DAB1: variants seen among roughly 807,000 people sequenced by gnomAD.
DAB1 encodes the protein disabled homolog 1.
In DAB1, 15 loss-of-function variants were observed where a neutral mutation model predicts 64.6. The ratio of observed to expected loss-of-function variants is 0.23; its 90% CI spans 0.16 to 0.36. DAB1 has a LOEUF of 0.36. DAB1 is among the 10% of genes least tolerant of loss of function. DAB1 has a pLI of 1.00. For synonymous variants in DAB1, 235 were observed against 251.9 expected, an observed-to-expected ratio of 0.93 and a Z score of 0.64; for missense variants, 596 against 706.7, an observed-to-expected ratio of 0.84 and a Z score of 1.78.
chr1:57,273,600 TTCCTTCCTTCCTTCCCTCCCTCCCTCCC>T (rs1671214635), intron 2 of DAB1, among the ~76,000 whole-genome samples: 2 of 116,124 alleles, frequency 1.7e-5, no homozygotes, highest in South Asian at 3.2e-4. Flanking sequence ...CCTTCCTTCC[TTCCTTCCTTCCTTCCCTCCCTCCCTCCC>T]TCCCTCCCTC....
rs681946 is a variant in DAB1, at chr1:57,320,126, C to T, written c.-136-28960G>A. Among the ~76,000 whole-genome samples the T allele has an allele frequency of 7.9e-3, 1,206 of 152,284 alleles. 21 individuals are homozygous for T. Among genetic ancestry groups the T allele is most frequent in the African/African-American group, 0.028 (1,152 of 41,570 alleles). On this transcript the variant is annotated intron_variant, in intron 1 of 14. Transcript: ENST00000371236. ...TGGCTCTGTATTCCCACCCAAATCT[C>T]ATCTCGAATTGTGTCAAGGGAAGGA...
intron 2 of DAB1, among the ~76,000 whole-genome samples, chr1:57,159,044 C>A (rs1660496364): frequency 6.6e-6 from 1 of 152,116 alleles, no homozygotes; most frequent in African/African-American, 2.4e-5. Context: ...GAGGCAGAAC[C>A]AGATCAGGAA....
At chr1:57,141,925 G>A (rs977024401) in intron 3 of DAB1, among the ~76,000 whole-genome samples, 1 of 152,104 alleles carries the variant, frequency 6.6e-6, no homozygotes, top group African/African-American at 2.4e-5. Flanking sequence ...CTTGGTGTCT[G>A]GGTTAGAATT....
chr1:57,015,831 C>G (rs111274786), intron 11 of DAB1, among the ~76,000 whole-genome samples: 3 of 152,196 alleles, frequency 2.0e-5, no homozygotes, highest in African/African-American at 7.2e-5. Flanking sequence ...ATTGCATAAG[C>G]TCTCTAAGAG....
intron 2 of DAB1, among the ~76,000 whole-genome samples, chr1:57,261,511 A>G (rs1670181981): frequency 6.6e-6 from 1 of 152,194 alleles, no homozygotes; most frequent in South Asian, 2.1e-4. Flanking sequence ...CCATGAAGTC[A>G]GTGATCCATG....
chr1:57,390,596 A>T (rs1237665424), intron 1 of DAB1, among the ~76,000 whole-genome samples: 1 of 152,164 alleles, frequency 6.6e-6, no homozygotes, highest in African/African-American at 2.4e-5. Flanking sequence ...TGGACAATTA[A>T]CACTTATTCT....
intron 4 of DAB1, among the ~76,000 whole-genome samples, chr1:57,092,680 TG>T (rs1225551767): frequency 2.1e-3 from 107 of 50,102 alleles, no homozygotes; most frequent in African/African-American, 6.6e-3. Context: ...GGGAGGGGGG[TG>T]GGGGGGCATG....
At position 58,190,781 on chromosome 1, in the gene DAB1, G is replaced by A. The variant is rs866639436; in HGVS notation, n.310-40193C>T. 3.9e-5 allele frequency among the ~76,000 whole-genome samples: 6 copies of A among 152,196 alleles called. 1 individual carries two copies. Among genetic ancestry groups the A allele is most frequent in the Non-Finnish European group, 8.8e-5 (6 of 68,046 alleles). On this transcript the variant is annotated intron_variant and non_coding_transcript_variant, in intron 4 of 20. Coordinates refer to the DAB1 transcript ENST00000485760. The stretch of plus-strand genomic sequence containing the variant: ...TTGGAAATGCTATAAATAGCAAATC[G>A]GCAAGACCGGGGAACAAAAGAGAAG...
At chr1:58,406,468 C>A (rs75657448) in intron 3 of DAB1, among the ~76,000 whole-genome samples, 1 of 152,332 alleles carries the variant, frequency 6.6e-6, no homozygotes, top group South Asian at 2.1e-4. Context: ...CAGCCCTGGG[C>A]GTTTCCGGCC....
At chr1:57,367,274 CA>C (rs201470787) in intron 1 of DAB1, among the ~76,000 whole-genome samples, 1 of 149,116 alleles carries the variant, frequency 6.7e-6, no homozygotes, top group African/African-American at 2.5e-5. Context: ...GACCCTGTCT[CA>C]AAAAAAACAA....
intron 3 of DAB1, among the ~76,000 whole-genome samples, chr1:58,385,224 C>T (rs960627612): frequency 2.0e-5 from 3 of 152,146 alleles, no homozygotes; most frequent in Admixed American, 6.5e-5. Flanking sequence ...AAATTGTATA[C>T]ATTTATCGTG....
intron 3 of DAB1, among the ~76,000 whole-genome samples, chr1:58,373,186 T>A (rs979013896): frequency 7.9e-5 from 12 of 151,700 alleles, no homozygotes; most frequent in Middle Eastern, 3.4e-3. Context: ...TTTTTTTTAA[T>A]TATACTTTAA....
intron 2 of DAB1, among the ~76,000 whole-genome samples, chr1:57,220,654 C>T (rs1666793114): frequency 1.3e-5 from 2 of 152,136 alleles, no homozygotes; most frequent in South Asian, 4.1e-4. Flanking sequence ...TGAGAAAATG[C>T]TCATCATCAC....
At chr1:58,153,907 A>C (rs1007064618) in intron 4 of DAB1, among the ~76,000 whole-genome samples, 16 of 149,112 alleles carry the variant, frequency 1.1e-4, no homozygotes, top group Non-Finnish European at 3.0e-5. Context: ...ACACTCTCTT[A>C]CACCAGGACT....
chr1:58,372,844 C>G lies in DAB1; in HGVS notation n.258-29441G>C, dbSNP rs537946310. ...ACATGCCTTGCTTTCCATTCACCTT[C>G]CATCATGATTGCAAGTTTCCTGAGA... On this transcript the variant is annotated intron_variant and non_coding_transcript_variant, in intron 3 of 20. Transcript: ENST00000485760. Among the ~76,000 whole-genome samples the G allele has an allele frequency of 1.2e-4, 19 of 152,274 alleles. 2 individuals carry two copies. In the South Asian group the frequency reaches 3.9e-3, roughly 32 times the overall value.
chr1:57,584,332 T>C (rs1230037975), intron 7 of DAB1, among the ~76,000 whole-genome samples: 1 of 152,234 alleles, frequency 6.6e-6, no homozygotes, highest in Non-Finnish European at 1.5e-5. Flanking sequence ...TGTTCATTGC[T>C]CAATTAAACT....
intron 5 of DAB1, among the ~76,000 whole-genome samples, chr1:58,042,075 A>C (rs992463921): frequency 2.6e-5 from 4 of 152,230 alleles, no homozygotes; most frequent in African/African-American, 9.6e-5. Flanking sequence ...TTTGCTTATT[A>C]AACTAGAGCC....
intron 3 of DAB1, among the ~76,000 whole-genome samples, chr1:58,499,691 T>A (rs1645871108): frequency 6.6e-6 from 1 of 152,130 alleles, no homozygotes; most frequent in Non-Finnish European, 1.5e-5. Context: ...GTGATTAATA[T>A]CTTAGTTGGT....
intron 2 of DAB1, among the ~76,000 whole-genome samples, chr1:57,237,202 T>C (rs757990752): frequency 6.6e-6 from 1 of 152,170 alleles, no homozygotes; most frequent in Non-Finnish European, 1.5e-5. Flanking sequence ...CTTTTCTATC[T>C]GAATAAGCCC....
Sources: gnomAD v4.1 joint callset for allele counts (sites outside exome capture counted in the v4.1 genomes callset) on GRCh38, gnomAD v4.1.1 for gene constraint, MANE v1.5 for transcripts, NCBI Gene and HGNC (gene_info 2026-07-23, HGNC 2026-07-21) for gene names.